DONSON: variants seen among roughly 807,000 people sequenced by gnomAD.
DONSON encodes the protein DNA replication fork stabilization factor DONSON.
A neutral mutation model predicts 62.1 loss-of-function variants in DONSON; 43 were observed. The ratio of observed to expected loss-of-function variants is 0.69; its 90% CI spans 0.54 to 0.89. The LOEUF is 0.89. Ranked by LOEUF, DONSON falls within the 40% of genes least tolerant of loss-of-function variation. The probability of loss-of-function intolerance (pLI) is 0.00; values close to 1 mark genes in which losing one functional copy is unlikely to be tolerated. For synonymous variants in DONSON, 266 were observed against 264.6 expected, an observed-to-expected ratio of 1.01 and a Z score of -0.05; for missense variants, 696 against 697.5, an observed-to-expected ratio of 1.00 and a Z score of 0.03.
In DONSON at chr21:33,584,652, C is replaced by G; in HGVS notation, c.723G>C (p.Met241Ile). 2 of 1,613,126 alleles carry G rather than the reference C, an allele frequency of 1.2e-6. No homozygotes were observed. Among genetic ancestry groups the G allele is most frequent in the Non-Finnish European group, 1.7e-6 (2 of 1,179,336 alleles). The change falls in exon 4 of 10, where the codon ATG becomes ATC. Residue 241 changes from methionine (M) to isoleucine (I), a missense_variant. By Grantham distance (10) the Met-to-Ile change is conservative (BLOSUM62 1). Coordinates refer to ENST00000303071, the MANE Select transcript of DONSON (RefSeq NM_017613.4). ...TTGACCAAGGACTTGTCTTTCCAGC[C>G]ATTTTTCTATCAGCTCCAATACGAG... Reference protein sequence around the residue: ...LFPRIGADRKMAGKTSPWSND... With the variant: ...LFPRIGADRKIAGKTSPWSND...
At chr21:33,584,837 CT>C in intron 3 of DONSON, 69 bp from the exon 4 acceptor site, 1 of 1,256,462 alleles carries the variant, frequency 8.0e-7, no homozygotes, top group Non-Finnish European at 1.1e-6. Context: ...TAAAGACAAT[CT>C]TTACCAAACA....
chr21:33,582,217 C>CT lies in DONSON; in HGVS notation c.993dup (p.Glu332ArgfsTer5). On this transcript the variant is annotated frameshift_variant, in exon 6 of 10. Coordinates refer to ENST00000303071, the MANE Select transcript of DONSON (RefSeq NM_017613.4). LOFTEE classifies it high-confidence loss of function. ...GCTGTCTCCTTCTTATGGCCACTTTCTTTTATTAAAGGCAGAGAAAATTCA... is the reference window on the plus strand; with the variant it reads ...GCTGTCTCCTTCTTATGGCCACTTTCTTTTTATTAAAGGCAGAGAAAATTCA... 6.2e-7 allele frequency: 1 copy of CT among 1,613,976 alleles called. No homozygotes were observed. The highest frequency in any genetic ancestry group is 8.5e-7 in the Non-Finnish European group (1 of 1,179,952).
chr21:33,588,568 C>G lies in DONSON; in HGVS notation c.74G>C (p.Arg25Thr), dbSNP rs1202690599. Reference protein sequence around the residue: ...PPEVVRLRRKRARSRGAAASP... With the variant: ...PPEVVRLRRKTARSRGAAASP... ...GGCGGCAGCTCCACGGCTCCGGGCC[C>G]TTTTCCGTCGGAGCCGCACTACCTC... Residue 25 changes from arginine (R) to threonine (T), a missense_variant, in exon 1 of 10, where the codon AGG becomes ACG. Physicochemically the swap from Arg to Thr is moderately conservative, Grantham distance 71. Coordinates refer to ENST00000303071, the MANE Select transcript of DONSON (RefSeq NM_017613.4). The G allele has an allele frequency of 8.8e-6, 11 of 1,254,270 alleles. No homozygotes were observed. The Admixed American group carries it at 3.7e-4, about 42-fold the overall frequency. 77.7% of individuals were successfully genotyped at this position (1,254,270 alleles called of 1,614,324 possible).
In DONSON at chr21:33,588,584, GC is replaced by G; in HGVS notation, c.57del (p.Arg20GlyfsTer20). ...CTCCGGGCCCTTTTCCGTCGGAGCC[GC>G]ACTACCTCGGGCGGCTTTCGGAAGC... ...SPGFRKPPEV[V>X]RLRRKRARSR... On this transcript the variant is annotated frameshift_variant, in exon 1 of 10. Coordinates refer to ENST00000303071, the MANE Select transcript of DONSON (RefSeq NM_017613.4). LOFTEE classifies it high-confidence loss of function. 8.0e-7 allele frequency: 1 copy of G among 1,255,026 alleles called. No homozygotes were observed. Among genetic ancestry groups the G allele is most frequent in the South Asian group, 3.0e-5 (1 of 33,886 alleles). 77.7% of individuals were successfully genotyped at this position (1,255,026 alleles called of 1,614,324 possible). A position where few individuals can be genotyped will look rare whatever the true frequency, so the allele number is the denominator to read the frequency against.
chr21:33,579,670 A>C, intron 8 of DONSON, 108 bp from the exon 9 acceptor site: 1 of 822,866 alleles, frequency 1.2e-6, no homozygotes, highest in Non-Finnish European at 1.9e-6. Context: ...TCTTTTAACA[A>C]TTATGGAATA....
chr21:33,581,122 T>A (rs2086504341), intron 8 of DONSON, 180 bp downstream of exon 8: 1 of 553,198 alleles, frequency 1.8e-6, no homozygotes, highest in Non-Finnish European at 3.2e-6. Context: ...TTTATATATT[T>A]CCACATAATT....
intron 3 of DONSON, 103 bp from the exon 4 acceptor site, chr21:33,584,871 G>T: frequency 2.1e-6 from 2 of 955,976 alleles, no homozygotes; most frequent in Non-Finnish European, 2.9e-6. Flanking sequence ...AATCTTTATT[G>T]CTTTCTATAG....
chr21:33,577,749 C>T lies in DONSON; in HGVS notation c.*558G>A, dbSNP rs532520464. Reference sequence around the variant, plus strand: ...TACTTTGCCGTGACAGCTCAGTGTACTTCACAATTCTTAACACTATTCTAT... The same window carrying T: ...TACTTTGCCGTGACAGCTCAGTGTATTTCACAATTCTTAACACTATTCTAT... On this transcript the variant is annotated 3_prime_UTR_variant, in exon 10 of 10. Coordinates refer to ENST00000303071, the MANE Select transcript of DONSON (RefSeq NM_017613.4). 14 of 151,566 alleles carry T rather than the reference C, an allele frequency of 9.2e-5. No homozygotes were observed. Among genetic ancestry groups the T allele is most frequent in the African/African-American group, 3.4e-4 (14 of 41,200 alleles). The allele number at this position is 151,566 out of a possible 1,614,324, so 9.4% of individuals were successfully genotyped here.
rs1329361261 is a variant in DONSON, at chr21:33,583,217, AAAAAAAAAG to A, written c.964+262_964+270del. Among the ~76,000 whole-genome samples, 38 of 143,676 alleles carry A rather than the reference AAAAAAAAAG, an allele frequency of 2.6e-4. 2 individuals carry two copies. Among genetic ancestry groups the A allele is most frequent in the Non-Finnish European group, 2.0e-4 (13 of 66,274 alleles). 94.3% of individuals were successfully genotyped at this position (143,676 alleles called of 152,430 possible). ...CTCCATCTCAAAAAAAAAAAAAAAA[AAAAAAAAAG>A]AATGATCATCTGATGTGTAACAGTT... On this transcript the variant is annotated intron_variant, in intron 5 of 9. Transcript: ENST00000303071.
At position 33,588,428 on chromosome 21, in the gene DONSON, G is replaced by T; in HGVS notation, c.214C>A (p.Pro72Thr). 7.6e-7 allele frequency: 1 copy of T among 1,308,912 alleles called. No homozygotes were observed. The highest frequency in any genetic ancestry group is 3.6e-5 in the Admixed American group (1 of 28,152). 81.1% of individuals were successfully genotyped at this position (1,308,912 alleles called of 1,614,324 possible). Residue 72 changes from proline to threonine, a missense_variant, in exon 1 of 10, where the codon CCG (proline) becomes ACG (threonine). Pro to Thr is a conservative substitution (Grantham distance 38, BLOSUM62 -1). Coordinates refer to ENST00000303071, the MANE Select transcript of DONSON (RefSeq NM_017613.4). ...AAGGGGTTCCTCCGAGCAGCGGCCG[G>T]GCCGCCGCCGCTGCCACCGCCTCTG... The part of the protein sequence containing the change: ...GGRGGGSGGG[P>T]AAARRNPFAR...
rs1569072712 is a variant in DONSON at position 33,577,628 on chromosome 21, CA to C, written c.*678del. The C allele has an allele frequency of 1.5e-4, 3 of 20,406 alleles. No individual in the cohort carries two copies. Among genetic ancestry groups the C allele is most frequent in the African/African-American group, 6.4e-4 (3 of 4,702 alleles). The allele number at this position is 20,406 out of a possible 1,614,324, so 1.3% of individuals were successfully genotyped here. ...CTACACACACACACACACACACACACACACACACACACACACACACACACAC... is the reference window on the plus strand; with the variant it reads ...CTACACACACACACACACACACACACCACACACACACACACACACACACAC... On this transcript the variant is annotated 3_prime_UTR_variant, in exon 10 of 10. Coordinates refer to ENST00000303071, the MANE Select transcript of DONSON (RefSeq NM_017613.4).
At chr21:33,586,615 C>A (rs566997105) in intron 2 of DONSON, among the ~76,000 whole-genome samples, 1 of 152,252 alleles carries the variant, frequency 6.6e-6, no homozygotes, top group South Asian at 2.1e-4. Flanking sequence ...TTCAGGTCGA[C>A]GTTCTCCACA....
Position 33,577,682 on chromosome 21 carries a change from CACACACACACACA to C in DONSON, c.*612_*624del, listed in dbSNP as rs2086446951. 2.7e-5 allele frequency: 3 copies of C among 109,528 alleles called. No individual in the cohort carries two copies. Among genetic ancestry groups the C allele is most frequent in the African/African-American group, 1.3e-4 (3 of 22,946 alleles). The allele number at this position is 109,528 out of a possible 1,614,324, so 6.8% of individuals were successfully genotyped here. A position where few individuals can be genotyped will look rare whatever the true frequency, so the allele number is the denominator to read the frequency against. ...ACACACACACACACACACACACACA[CACACACACACACA>C]CACACACCCCTATAAGCACATTAAA... On this transcript the variant is annotated 3_prime_UTR_variant, in exon 10 of 10. Transcript: ENST00000303071.
At chr21:33,584,047 CTT>C (rs1489118718) in intron 4 of DONSON, among the ~76,000 whole-genome samples, 1 of 82,744 alleles carries the variant, frequency 1.2e-5, no homozygotes, top group Admixed American at 1.3e-4. Flanking sequence ...TATATATATA[CTT>C]TTTTTTTTTT....
At chr21:33,587,358 G>A in intron 2 of DONSON, 164 bp downstream of exon 2, 4 of 985,330 alleles carry the variant, frequency 4.1e-6, no homozygotes, top group South Asian at 4.7e-5. Flanking sequence ...CTTGGCTGAT[G>A]CGGTATTTTC....
chr21:33,584,009 C>G lies in DONSON; in HGVS notation c.786-343G>C, dbSNP rs550229564. Among the ~76,000 whole-genome samples, 5 of 95,430 alleles carry G rather than the reference C, an allele frequency of 5.2e-5. No homozygotes were observed. The South Asian group carries it at 1.7e-3, about 33-fold the overall frequency. The allele number at this position is 95,430 out of a possible 152,430, so 62.6% of individuals were successfully genotyped here. A position where few individuals can be genotyped will look rare whatever the true frequency, so the allele number is the denominator to read the frequency against. On this transcript the variant is annotated intron_variant, in intron 4 of 9. Coordinates refer to ENST00000303071, the MANE Select transcript of DONSON (RefSeq NM_017613.4). ...AAGTAGCATTAAAGAATTAGGGCTG[C>G]GTGTTTATATATATATATATATATA...
In DONSON at chr21:33,583,533, T is replaced by C. The variant is rs146301000; in HGVS notation, c.919A>G (p.Ile307Val). Residue 307 changes from isoleucine (I) to valine (V), a missense_variant, in exon 5 of 10, where the codon ATA (isoleucine) becomes GTA (valine). Ile to Val is a conservative substitution (Grantham distance 29). Coordinates refer to ENST00000303071, the MANE Select transcript of DONSON (RefSeq NM_017613.4). ...LAGSDLITAL[I>V]SPTTRGLREA... ...CTTAAACCTCGAGTTGTTGGAGATA[T>C]GAGAGCTGTGATTAAGTCACTTCCA... The C allele has an allele frequency of 1.9e-4, 305 of 1,613,866 alleles. No homozygotes were observed. The highest frequency in any genetic ancestry group is 2.3e-4 in the Non-Finnish European group (276 of 1,179,948).
intron 3 of DONSON, 91 bp downstream of exon 3, chr21:33,585,887 T>G: frequency 8.0e-7 from 1 of 1,244,186 alleles, no homozygotes; most frequent in African/African-American, 1.5e-5. Context: ...AAGAAAAACT[T>G]AATGGAAGGC....
intron 9 of DONSON, 76 bp from the exon 10 acceptor site, chr21:33,578,520 AGACT>A: frequency 7.1e-7 from 1 of 1,409,984 alleles, no homozygotes; most frequent in Non-Finnish European, 9.5e-7. Context: ...ATTACTATGG[AGACT>A]GACAAATAAA....
Sources: allele counts gnomAD v4.1 joint callset (sites outside exome capture counted in the v4.1 genomes callset), GRCh38; gene constraint gnomAD v4.1.1; transcripts MANE v1.5; gene names NCBI Gene and HGNC (gene_info 2026-07-23, HGNC 2026-07-21).